Variants in UBN1 observed in about 807,000 individuals in gnomAD.
The protein encoded by UBN1 is ubinuclein-1.
A neutral mutation model predicts 108.5 loss-of-function variants in UBN1; 17 were observed. That is an observed-to-expected ratio of 0.16 (90% confidence interval 0.11 to 0.24). The LOEUF (loss-of-function observed/expected upper bound fraction) is 0.24, where lower values mean the gene tolerates loss of function less well. UBN1 is among the 10% of genes least tolerant of loss of function. UBN1 has a pLI of 1.00. For synonymous variants in UBN1, 726 were observed against 564.2 expected, an observed-to-expected ratio of 1.29 and a Z score of -4.07; for missense variants, 1,595 against 1,394.4, an observed-to-expected ratio of 1.14 and a Z score of -2.29.
Position 4,874,651 on chromosome 16 carries a change from GCAGTCCTCT to G in UBN1, c.2245_2253del (p.Ser749_Gln751del). ...TGGCAGAACAGGCTCTGGCACTGGG[GCAGTCCTCT>G]CAGGAGAAAAAACCAGAGAGTTCTG... On this transcript the variant is annotated inframe_deletion, in exon 15 of 18. Coordinates refer to ENST00000262376, the MANE Select transcript of UBN1 (RefSeq NM_001079514.3). 2.5e-6 allele frequency: 4 copies of G among 1,614,184 alleles called. No homozygotes were observed. Among genetic ancestry groups the G allele is most frequent in the Non-Finnish European group, 3.4e-6 (4 of 1,180,038 alleles).
intron 7 of UBN1, among the ~76,000 whole-genome samples, chr16:4,865,005 T>C (rs1347807576): frequency 6.6e-6 from 1 of 152,184 alleles, no homozygotes; most frequent in African/African-American, 2.4e-5. Flanking sequence ...TTAGAATAAA[T>C]AAAACAGCTC....
chr16:4,863,195 T>C (rs2087153803), intron 7 of UBN1, among the ~76,000 whole-genome samples: 2 of 152,198 alleles, frequency 1.3e-5, no homozygotes, highest in Non-Finnish European at 2.9e-5. Flanking sequence ...TTTCTGCCTT[T>C]TTACGTAATA....
intron 1 of UBN1, among the ~76,000 whole-genome samples, chr16:4,850,207 G>T (rs957893383): frequency 6.6e-6 from 1 of 152,106 alleles, no homozygotes; most frequent in Admixed American, 6.6e-5. Flanking sequence ...CCAAATCTAA[G>T]TGGTAATAGA....
At chr16:4,852,809 C>T in intron 1 of UBN1, 70 bp from the exon 2 acceptor site, 1 of 1,368,484 alleles carries the variant, frequency 7.3e-7, no homozygotes. Flanking sequence ...AAACTTAAAT[C>T]TCTTTAATTA....
intron 3 of UBN1, 54 bp downstream of exon 3, chr16:4,858,130 C>T: frequency 8.5e-7 from 1 of 1,171,774 alleles, no homozygotes; most frequent in Non-Finnish European, 1.3e-6. Flanking sequence ...GAGACGTTTC[C>T]ACACTGTATT....
rs747141887 is a variant in UBN1 at position 4,871,309 on chromosome 16, C to T, written c.1706+8C>T. On this transcript the variant is annotated splice_region_variant and intron_variant, in intron 12 of 17. Coordinates refer to ENST00000262376, the MANE Select transcript of UBN1 (RefSeq NM_001079514.3). The stretch of plus-strand genomic sequence containing the variant: ...AGGCTGGATGCAGGCCAGGTGAGGG[C>T]CGTGTGCTGAGATGGGCATCTGTGC... The T allele has an allele frequency of 8.7e-6, 14 of 1,612,778 alleles. No individual in the cohort carries two copies. Among genetic ancestry groups the T allele is most frequent in the Non-Finnish European group, 1.2e-5 (14 of 1,179,644 alleles).
chr16:4,877,028 ACTC>A lies in UBN1; in HGVS notation c.3186_3188del (p.Ser1063del). 1 of 1,613,662 alleles carries A rather than the reference ACTC, an allele frequency of 6.2e-7. No individual in the cohort carries two copies. Among genetic ancestry groups the A allele is most frequent in the Non-Finnish European group, 8.5e-7 (1 of 1,179,928 alleles). On this transcript the variant is annotated inframe_deletion, in exon 16 of 18. Transcript: ENST00000262376. This position sits in a 1 kb window ranked among gnomAD's most constrained non-coding sequence, Gnocchi z 4.3. ...GTCCATGTGCTCTCCTTCAGCGCTG[ACTC>A]CTCTGCCAAAGCAGGGGTCTCCAAG...
Position 4,847,958 on chromosome 16 carries a change from AC to A in UBN1, c.-287del. On this transcript the variant is annotated 5_prime_UTR_variant, in exon 1 of 18. Transcript: ENST00000262376. ...GGGGCGACCGGAGGCTGCTCCCCCG[AC>A]CCCCTGGTGTCCCCGGAGTGGCTGC... The A allele has an allele frequency of 6.6e-6, 1 of 152,314 alleles. No homozygotes were observed. Among genetic ancestry groups the A allele is most frequent in the Non-Finnish European group, 1.5e-5 (1 of 68,474 alleles). The allele number at this position is 152,314 out of a possible 1,614,324, so 9.4% of individuals were successfully genotyped here. A position where few individuals can be genotyped will look rare whatever the true frequency, so the allele number is the denominator to read the frequency against.
intron 1 of UBN1, chr16:4,852,470 T>C (rs2086604902): frequency 6.3e-6 from 1 of 158,368 alleles, no homozygotes; most frequent in African/African-American, 2.4e-5. Context: ...ATTGTGAAGA[T>C]TGGCTCCCAA....
chr16:4,866,868 C>T (rs1221113973), intron 7 of UBN1, among the ~76,000 whole-genome samples: 3 of 152,182 alleles, frequency 2.0e-5, no homozygotes, highest in African/African-American at 7.2e-5. Context: ...GATAGATACG[C>T]AGACAATGGA....
chr16:4,848,284 A>T (rs1172454005), intron 1 of UBN1, 74 bp downstream of exon 1: 1 of 152,262 alleles, frequency 6.6e-6, no homozygotes, highest in African/African-American at 2.4e-5. Context: ...AAGTTGTGAC[A>T]ACAGGAAGAC....
At chr16:4,851,398 T>C (rs1254825628) in intron 1 of UBN1, among the ~76,000 whole-genome samples, 2 of 152,012 alleles carry the variant, frequency 1.3e-5, no homozygotes, top group Non-Finnish European at 2.9e-5. Flanking sequence ...CTCAGTGAGC[T>C]GAGATTGAGT....
chr16:4,875,810 T>C (rs2087855217), intron 15 of UBN1, among the ~76,000 whole-genome samples: 1 of 152,170 alleles, frequency 6.6e-6, no homozygotes, highest in Non-Finnish European at 1.5e-5. Flanking sequence ...AGTTGAGTCA[T>C]GTGGAGGTGT....
chr16:4,873,598 T>G (rs1471892023), intron 14 of UBN1, among the ~76,000 whole-genome samples: 1 of 152,216 alleles, frequency 6.6e-6, no homozygotes, highest in Non-Finnish European at 1.5e-5. Flanking sequence ...TGTGGTGCCC[T>G]TAGCCATCCC....
intron 7 of UBN1, among the ~76,000 whole-genome samples, chr16:4,867,365 G>A (rs558547185): frequency 6.6e-6 from 1 of 151,994 alleles, no homozygotes; most frequent in Non-Finnish European, 1.5e-5. Context: ...ACCAAATGTG[G>A]GTTGATTTGA....
rs201300641 is a variant in UBN1, at chr16:4,880,823, T to A, written c.*691T>A. The A allele has an allele frequency of 6.6e-6, 1 of 152,660 alleles. No individual in the cohort carries two copies. The highest frequency in any genetic ancestry group is 2.4e-5 in the African/African-American group (1 of 41,424). The allele number at this position is 152,660 out of a possible 1,614,324, so 9.5% of individuals were successfully genotyped here. A position where few individuals can be genotyped will look rare whatever the true frequency, so the allele number is the denominator to read the frequency against. ...GTTTTCATCATTACCATTAAATGCATTGGATAGAAGGGGACTGTTCTTCAC... is the reference window on the plus strand; with the variant it reads ...GTTTTCATCATTACCATTAAATGCAATGGATAGAAGGGGACTGTTCTTCAC... On this transcript the variant is annotated 3_prime_UTR_variant, in exon 18 of 18. Coordinates refer to ENST00000262376, the MANE Select transcript of UBN1 (RefSeq NM_001079514.3).
At chr16:4,857,877 C>G (rs925489657) in intron 2 of UBN1, 113 bp from the exon 3 acceptor site, 2 of 778,070 alleles carry the variant, frequency 2.6e-6, no homozygotes, top group Non-Finnish European at 4.2e-6. Context: ...CTACCTTGCC[C>G]TTTTCTGGAA....
At position 4,857,990 on chromosome 16, in the gene UBN1, A is replaced by G. The variant is rs1462985924; in HGVS notation, c.250A>G (p.Lys84Glu). 3 of 1,609,192 alleles carry G rather than the reference A, an allele frequency of 1.9e-6. No individual in the cohort carries two copies. In the Admixed American group the frequency reaches 5.1e-5, roughly 27 times the overall value. The change falls in exon 3 of 18, where the codon AAG (lysine) becomes GAG (glutamate). Residue 84 changes from lysine to glutamate, a missense_variant and splice_region_variant. Transcript: ENST00000262376. ...TTTTTGTGGAACGATCTCTTTACAG[A>G]AGAAAGATCTGTCAGATCCTTTCAA... ...KVKGLQPGDK[K>E]KDLSDPFNDE...
At chr16:4,857,187 TA>T (rs775608869) in intron 2 of UBN1, among the ~76,000 whole-genome samples, 79 of 145,114 alleles carry the variant, frequency 5.4e-4, no homozygotes, top group East Asian at 1.8e-3. Flanking sequence ...ACAAAAAACT[TA>T]AAAAAAAAAA....
Sources: allele counts gnomAD v4.1 joint callset (sites outside exome capture counted in the v4.1 genomes callset), GRCh38; gene constraint gnomAD v4.1.1; non-coding constraint Gnocchi (gnomAD v3.1); transcripts MANE v1.5; gene names NCBI Gene and HGNC (gene_info 2026-07-23, HGNC 2026-07-21).